The following DENND5B variants were observed in gnomAD, a reference collection of about 807,000 sequenced individuals.
DENND5B encodes the protein DENN domain-containing protein 5B.
DENND5B carries 34 observed loss-of-function variants against 140.6 expected under a neutral mutation model. The observed-to-expected ratio is 0.24, with a 90% CI of 0.18 to 0.32. The LOEUF is 0.32. Ranked by LOEUF, DENND5B falls within the 10% of genes least tolerant of loss-of-function variation. The pLI, the probability that DENND5B is intolerant of heterozygous loss-of-function variation, is 1.00. For synonymous variants in DENND5B, 551 were observed against 562.1 expected (o/e 0.98, Z 0.28); for missense variants, 1,142 against 1,560.2 (o/e 0.73, Z 4.52).
chr12:31,485,932 G>A (rs1000136563), intron 2 of DENND5B, among the ~76,000 whole-genome samples: 17 of 152,182 alleles, frequency 1.1e-4, no homozygotes, highest in African/African-American at 4.1e-4. Context: ...GCTTTCAGAT[G>A]ATTTCAGTCC....
chr12:31,435,061 G>A (rs1943678359), intron 7 of DENND5B, among the ~76,000 whole-genome samples: 1 of 152,188 alleles, frequency 6.6e-6, no homozygotes, highest in Admixed American at 6.5e-5. Flanking sequence ...TCTCTCCTCT[G>A]TAATAATCCT....
chr12:31,430,497 CAAAAAAAAAA>C (rs71062432), intron 8 of DENND5B, among the ~76,000 whole-genome samples: 25 of 56,058 alleles, frequency 4.5e-4, no homozygotes, highest in East Asian at 1.9e-3. Flanking sequence ...ACTAAAAATA[CAAAAAAAAAA>C]AAAAAAAAAA....
At chr12:31,541,885 T>G (rs1948689906) in intron 1 of DENND5B, among the ~76,000 whole-genome samples, 1 of 152,252 alleles carries the variant, frequency 6.6e-6, no homozygotes, top group Non-Finnish European at 1.5e-5. Context: ...AATGAGATCC[T>G]GTTGTCTGCA....
chr12:31,469,344 AAAAAG>A (rs1293231352), intron 3 of DENND5B, among the ~76,000 whole-genome samples: 4 of 137,518 alleles, frequency 2.9e-5, no homozygotes, highest in Admixed American at 8.3e-5. Context: ...AAAAAAAAAA[AAAAAG>A]AAGAAGAAGA....
chr12:31,566,380 C>T (rs1406736402), intron 1 of DENND5B, among the ~76,000 whole-genome samples: 1 of 130,564 alleles, frequency 7.7e-6, no homozygotes, highest in Non-Finnish European at 1.7e-5. Context: ...GTAATTCAAG[C>T]AATACTTTTA....
In DENND5B at chr12:31,561,082, G is replaced by C. The variant is rs978177799; in HGVS notation, c.127+29624C>G. ...TTGTCAAGATCCCAGTTATGTTCAGGGATTTAAAAAGAGAACTCCGTATGT... is the reference window on the plus strand; with the variant it reads ...TTGTCAAGATCCCAGTTATGTTCAGCGATTTAAAAAGAGAACTCCGTATGT... On this transcript the variant is annotated intron_variant, in intron 1 of 20. Transcript: ENST00000389082. 5.9e-5 allele frequency among the ~76,000 whole-genome samples: 9 copies of C among 152,112 alleles called. No homozygotes were observed. The East Asian group carries it at 1.7e-3, about 29-fold the overall frequency.
At chr12:31,500,034 G>A (rs1179892354) in intron 1 of DENND5B, among the ~76,000 whole-genome samples, 1 of 152,168 alleles carries the variant, frequency 6.6e-6, no homozygotes, top group Non-Finnish European at 1.5e-5. Context: ...TATCCAAAAT[G>A]CTTAGGACCA....
intron 13 of DENND5B, among the ~76,000 whole-genome samples, chr12:31,410,321 T>G (rs1374483410): frequency 6.6e-6 from 1 of 152,230 alleles, no homozygotes; most frequent in Non-Finnish European, 1.5e-5. Context: ...ATTTAAGCAC[T>G]TTCCCAAGTG....
chr12:31,429,200 G>A (rs183461023), intron 8 of DENND5B, among the ~76,000 whole-genome samples: 3 of 151,872 alleles, frequency 2.0e-5, no homozygotes, highest in Non-Finnish European at 2.9e-5. Context: ...GTAGAGACAG[G>A]GTTTCACTAT....
intron 14 of DENND5B, among the ~76,000 whole-genome samples, chr12:31,404,551 T>G (rs1287609178): frequency 6.6e-6 from 1 of 152,042 alleles, no homozygotes; most frequent in Non-Finnish European, 1.5e-5. Context: ...CCTCCTGGAT[T>G]CAAGTGATTC....
intron 1 of DENND5B, among the ~76,000 whole-genome samples, chr12:31,536,134 A>G (rs1319733473): frequency 6.6e-6 from 1 of 152,300 alleles, no homozygotes; most frequent in South Asian, 2.1e-4. Flanking sequence ...AGGCACCCCC[A>G]GAAGTCGAGC....
intron 6 of DENND5B, chr12:31,443,841 A>T (rs2138002250): frequency 6.6e-6 from 1 of 152,308 alleles, no homozygotes; most frequent in East Asian, 1.9e-4. Context: ...ATACAGCAAA[A>T]AGTCATATAA....
At chr12:31,411,314 G>GCCAT (rs1164037581) in intron 13 of DENND5B, among the ~76,000 whole-genome samples, 1 of 145,288 alleles carries the variant, frequency 6.9e-6, no homozygotes, top group East Asian at 2.1e-4. Flanking sequence ...TAGGATTACA[G>GCCAT]CCATGAGCCA....
intron 4 of DENND5B, among the ~76,000 whole-genome samples, chr12:31,459,942 C>G (rs906977204): frequency 6.6e-6 from 1 of 152,204 alleles, no homozygotes; most frequent in East Asian, 1.9e-4. Context: ...CATGCTACCA[C>G]TGCTCCATCT....
chr12:31,459,282 T>C (rs1313446364), intron 4 of DENND5B, among the ~76,000 whole-genome samples: 1 of 152,124 alleles, frequency 6.6e-6, no homozygotes, highest in Non-Finnish European at 1.5e-5. Context: ...AAATATGCTT[T>C]CAATAATTCT....
rs771712867 is a variant in DENND5B, at chr12:31,449,731, G to GTTTTTTTTTTTTTTTT, written c.1630-1978_1630-1963dup. ...ATAAACCATGGATATACACAGATTA[G>GTTTTTTTTTTTTTTTT]TTTTTTTTTTTTTTTTTTGAGACAG... On this transcript the variant is annotated intron_variant, in intron 5 of 20. Coordinates refer to ENST00000389082, the MANE Select transcript of DENND5B (RefSeq NM_144973.4). Among the ~76,000 whole-genome samples the GTTTTTTTTTTTTTTTT allele has an allele frequency of 1.1e-4, 10 of 89,948 alleles. 1 individual carries two copies. Among genetic ancestry groups the GTTTTTTTTTTTTTTTT allele is most frequent in the African/African-American group, 2.5e-4 (6 of 24,352 alleles). The allele number at this position is 89,948 out of a possible 152,430, so 59.0% of individuals were successfully genotyped here.
chr12:31,514,111 G>A (rs958771107), intron 1 of DENND5B, among the ~76,000 whole-genome samples: 9 of 152,124 alleles, frequency 5.9e-5, no homozygotes, highest in African/African-American at 2.2e-4. Context: ...CTCACAAAGT[G>A]CTGTGATTAC....
At chr12:31,401,983 G>A (rs1941817623) in intron 15 of DENND5B, among the ~76,000 whole-genome samples, 1 of 150,476 alleles carries the variant, frequency 6.6e-6, no homozygotes, top group Non-Finnish European at 1.5e-5. Context: ...AAACCAGTAA[G>A]CAGATGCTTG....
At chr12:31,419,707 C>T (rs1394814020) in intron 11 of DENND5B, among the ~76,000 whole-genome samples, 1 of 152,106 alleles carries the variant, frequency 6.6e-6, no homozygotes, top group African/African-American at 2.4e-5. Context: ...GGCACAGTGG[C>T]TTACACCTGT....
Sources: allele counts gnomAD v4.1 joint callset (sites outside exome capture counted in the v4.1 genomes callset), GRCh38; gene constraint gnomAD v4.1.1; transcripts MANE v1.5; gene names NCBI Gene and HGNC (gene_info 2026-07-23, HGNC 2026-07-21).